PLCH1: variants seen among roughly 807,000 people sequenced by gnomAD.
The protein encoded by PLCH1 is 1-phosphatidylinositol 4,5-bisphosphate phosphodiesterase eta-1.
In PLCH1, 60 loss-of-function variants were observed where a neutral mutation model predicts 126.7. The observed-to-expected ratio is 0.47, with a 90% CI of 0.38 to 0.59. PLCH1 has a LOEUF of 0.59. Ranked by LOEUF, PLCH1 falls within the 20% of genes least tolerant of loss-of-function variation. PLCH1 has a pLI of 0.00. For synonymous variants in PLCH1, 719 were observed against 734.9 expected (o/e 0.98, Z 0.35); for missense variants, 1,723 against 2,040.0 (o/e 0.84, Z 2.99).
At chr3:155,452,127 A>G (rs1238582716) in intron 21 of PLCH1, among the ~76,000 whole-genome samples, 1 of 152,196 alleles carries the variant, frequency 6.6e-6, no homozygotes, top group Non-Finnish European at 1.5e-5. Context: ...AAGAGGTTTA[A>G]TCGGACTTAC....
rs534431691 is a variant in PLCH1, at chr3:155,515,029, TCA to T, written c.1471-147_1471-146del. 1.2e-4 allele frequency: 61 copies of T among 524,574 alleles called. 2 individuals carry two copies. In the South Asian group the frequency reaches 2.0e-3, roughly 17 times the overall value. The allele number at this position is 524,574 out of a possible 1,614,324, so 32.5% of individuals were successfully genotyped here. ...TTAAGCTCAAGTTCATTGTACCATC[TCA>T]GTCTTCCCTCCTCCACAAATCCTTT... On this transcript the variant is annotated intron_variant, in intron 11 of 22. Transcript: ENST00000460012.
rs150604180 is a variant in PLCH1 at position 155,729,538 on chromosome 3, G to A, written c.-41+15302C>T. ...ATTTTAGTAGGAAGGAACAGTAGATGCTCAAATCTCTGTTCCTGGTTATAA... is the reference window on the plus strand; with the variant it reads ...ATTTTAGTAGGAAGGAACAGTAGATACTCAAATCTCTGTTCCTGGTTATAA... On this transcript the variant is annotated intron_variant, in intron 1 of 22. Coordinates refer to ENST00000460012, the MANE Select transcript of PLCH1 (RefSeq NM_014996.4). Among the ~76,000 whole-genome samples the A allele has an allele frequency of 1.2e-4, 18 of 152,290 alleles. No homozygotes were observed. The East Asian group carries it at 3.3e-3, about 28-fold the overall frequency.
chr3:155,623,114 C>A (rs1397703226), intron 2 of PLCH1, among the ~76,000 whole-genome samples: 1 of 152,174 alleles, frequency 6.6e-6, no homozygotes, highest in Admixed American at 6.5e-5. Context: ...GAAACTCCCT[C>A]AAAACCACAC....
At position 155,458,506 on chromosome 3, in the gene PLCH1, AG is replaced by A. The variant is rs1712573269; in HGVS notation, c.2938+26849del. Among the ~76,000 whole-genome samples the A allele has an allele frequency of 2.2e-4, 26 of 117,906 alleles. 1 individual carries two copies. The highest frequency in any genetic ancestry group is 1.2e-3 in the African/African-American group (23 of 19,050). The allele number at this position is 117,906 out of a possible 152,430, so 77.4% of individuals were successfully genotyped here. On this transcript the variant is annotated intron_variant, in intron 21 of 21. Coordinates refer to the PLCH1 transcript ENST00000494598. ...AGAAAGAAAGAAAGAAAGAGAAAGAAGAGAGAGAAATAAGAAAGAGAAAGAA... is the reference window on the plus strand; with the variant it reads ...AGAAAGAAAGAAAGAAAGAGAAAGAAAGAGAGAAATAAGAAAGAGAAAGAA...
At chr3:155,728,623 G>A (rs1748520398) in intron 1 of PLCH1, among the ~76,000 whole-genome samples, 1 of 152,126 alleles carries the variant, frequency 6.6e-6, no homozygotes, top group Non-Finnish European at 1.5e-5. Flanking sequence ...ATAAAACAGA[G>A]GGAGAGAGAG....
chr3:155,720,054 A>C (rs1747833217), intron 1 of PLCH1, among the ~76,000 whole-genome samples: 1 of 152,104 alleles, frequency 6.6e-6, no homozygotes, highest in Non-Finnish European at 1.5e-5. Context: ...TCAGCTTCCC[A>C]AAGTGCTGGG....
intron 1 of PLCH1, chr3:155,743,262 T>C (rs1248687177): frequency 4.4e-6 from 2 of 454,578 alleles, no homozygotes; most frequent in Admixed American, 2.4e-5. Flanking sequence ...CTGGGCGCGG[T>C]GGCTCACGCC....
chr3:155,468,707 T>A (rs1011942725), intron 21 of PLCH1, among the ~76,000 whole-genome samples: 7 of 152,092 alleles, frequency 4.6e-5, no homozygotes, highest in African/African-American at 1.7e-4. Context: ...ATTTTAAACA[T>A]ATATATAACA....
chr3:155,635,318 T>C (rs1359103272), intron 2 of PLCH1, among the ~76,000 whole-genome samples: 1 of 152,080 alleles, frequency 6.6e-6, no homozygotes, highest in Non-Finnish European at 1.5e-5. Context: ...GCAGCTTGCA[T>C]CTCCTCCATC....
chr3:155,584,850 C>T (rs576969834), intron 5 of PLCH1, among the ~76,000 whole-genome samples: 1 of 152,100 alleles, frequency 6.6e-6, no homozygotes, highest in Non-Finnish European at 1.5e-5. Context: ...TTTGTCCCCC[C>T]CCTTTAGGAT....
At chr3:155,582,075 C>CTTTTT (rs869254665) in intron 6 of PLCH1, among the ~76,000 whole-genome samples, 167 of 64,124 alleles carry the variant, frequency 2.6e-3, no homozygotes, top group South Asian at 3.7e-3. Context: ...TCTTTTCTTT[C>CTTTTT]TTTTTTTTTT....
At chr3:155,558,573 G>A (rs12638480) in intron 8 of PLCH1, among the ~76,000 whole-genome samples, 30,497 of 151,992 alleles carry the variant, frequency 0.2, 4,098 homozygotes, top group African/African-American at 0.38. Context: ...TAGTAAAACA[G>A]AACAATTATA....
chr3:155,617,604 G>C (rs1735952156), intron 2 of PLCH1, among the ~76,000 whole-genome samples: 1 of 152,126 alleles, frequency 6.6e-6, no homozygotes, highest in African/African-American at 2.4e-5. Flanking sequence ...AACTATTTGT[G>C]AGTATTCTTA....
chr3:155,452,905 C>T (rs544486214), intron 21 of PLCH1, among the ~76,000 whole-genome samples: 1 of 152,254 alleles, frequency 6.6e-6, no homozygotes, highest in African/African-American at 2.4e-5. Flanking sequence ...CTGTGACTAA[C>T]TGAAATATAT....
chr3:155,502,794 A>T (rs1157411411), intron 13 of PLCH1, among the ~76,000 whole-genome samples: 1 of 152,164 alleles, frequency 6.6e-6, no homozygotes, highest in Non-Finnish European at 1.5e-5. Context: ...ATCATTGTCC[A>T]TTATGTGAAT....
chr3:155,625,394 A>G (rs7620947), intron 2 of PLCH1, among the ~76,000 whole-genome samples: 73,803 of 151,976 alleles, frequency 0.49, 20,308 homozygotes, highest in African/African-American at 0.74. Context: ...TTGACAAATG[A>G]GATCTAATTA....
At chr3:155,674,977 A>T (rs1743947200) in intron 2 of PLCH1, among the ~76,000 whole-genome samples, 2 of 152,212 alleles carry the variant, frequency 1.3e-5, no homozygotes, top group African/African-American at 4.8e-5. Flanking sequence ...CTCTAAATGG[A>T]AATCCTTCTG....
At chr3:155,606,355 G>A (rs1257999881) in intron 2 of PLCH1, among the ~76,000 whole-genome samples, 4 of 152,176 alleles carry the variant, frequency 2.6e-5, no homozygotes, top group Non-Finnish European at 5.9e-5. Flanking sequence ...CCCAAGAACT[G>A]TAAATGGACA....
intron 2 of PLCH1, among the ~76,000 whole-genome samples, chr3:155,632,153 A>G (rs1201539042): frequency 6.6e-6 from 1 of 152,134 alleles, no homozygotes; most frequent in East Asian, 1.9e-4. Context: ...CCATGTCAGC[A>G]AGTGATCATT....
Sources: gnomAD v4.1 joint callset for allele counts (sites outside exome capture counted in the v4.1 genomes callset) on GRCh38, gnomAD v4.1.1 for gene constraint, MANE v1.5 for transcripts, NCBI Gene and HGNC (gene_info 2026-07-23, HGNC 2026-07-21) for gene names.